Variants in C12orf42 observed in about 807,000 individuals in gnomAD.
C12orf42 encodes the protein uncharacterized protein C12orf42.
In C12orf42, 25 loss-of-function variants were observed where a neutral mutation model predicts 21.6. The ratio of observed to expected loss-of-function variants is 1.16; its 90% CI spans 0.84 to 1.62. C12orf42 has a LOEUF of 1.62. Ranked by LOEUF, C12orf42 falls within the 40% of genes most tolerant of loss-of-function variation. C12orf42 has a pLI of 0.00. For missense variants in C12orf42, 483 were observed against 459.3 expected (o/e 1.05, Z -0.47); for synonymous variants, 174 against 175.0 (o/e 0.99, Z 0.05).
intron 10 of C12orf42, among the ~76,000 whole-genome samples, chr12:103,254,399 G>T (rs568345147): frequency 6.6e-6 from 1 of 152,038 alleles, no homozygotes; most frequent in South Asian, 2.1e-4. Context: ...TTGCATCTTT[G>T]CCAGGTTTTG....
chr12:103,553,288 CT>C, the C12orf42 span, among the ~76,000 whole-genome samples: 1 of 152,190 alleles, frequency 6.6e-6, no homozygotes, highest in Admixed American at 6.5e-5. Context: ...TACCTTTTCT[CT>C]TTCTAACAGC....
the C12orf42 span, among the ~76,000 whole-genome samples, chr12:103,182,482 T>A: frequency 6.6e-6 from 1 of 152,214 alleles, no homozygotes; most frequent in Non-Finnish European, 1.5e-5. Flanking sequence ...GAACAGTGTT[T>A]ACTCAGTTCT....
chr12:103,065,356 C>A, the C12orf42 span, among the ~76,000 whole-genome samples: 3 of 152,218 alleles, frequency 2.0e-5, no homozygotes, highest in Non-Finnish European at 1.5e-5. Context: ...GGTATGCAGC[C>A]ATTGACTTGG....
chr12:103,330,518 T>C (rs529746297), intron 4 of C12orf42, among the ~76,000 whole-genome samples: 1 of 152,278 alleles, frequency 6.6e-6, no homozygotes, highest in South Asian at 2.1e-4. Context: ...GCTACTTGGG[T>C]TCAGAACATA....
At chr12:103,331,301 C>T (rs117938703) in intron 4 of C12orf42, among the ~76,000 whole-genome samples, 2 of 152,256 alleles carry the variant, frequency 1.3e-5, no homozygotes, top group East Asian at 1.9e-4. Flanking sequence ...GTCAATATTG[C>T]CATGATTTCA....
chr12:103,380,667 A>G (rs903679136), intron 3 of C12orf42, among the ~76,000 whole-genome samples: 5 of 152,232 alleles, frequency 3.3e-5, no homozygotes, highest in African/African-American at 1.2e-4. Context: ...GAAAGAGAAA[A>G]ATAGCATTAT....
chr12:103,371,299 T>C (rs2045210554), intron 3 of C12orf42, among the ~76,000 whole-genome samples: 1 of 152,088 alleles, frequency 6.6e-6, no homozygotes, highest in Non-Finnish European at 1.5e-5. Context: ...GAGTAGGAAC[T>C]CTCTCTTTTC....
chr12:103,557,389 A>C, the C12orf42 span: 1 of 152,152 alleles, frequency 6.6e-6, no homozygotes, highest in South Asian at 2.1e-4. Context: ...TTAACTGCTG[A>C]TGTTATTTCC....
the C12orf42 span, among the ~76,000 whole-genome samples, chr12:103,122,747 G>A: frequency 6.6e-6 from 1 of 152,180 alleles, no homozygotes; most frequent in Non-Finnish European, 1.5e-5. Flanking sequence ...TATTAAGAGT[G>A]TCAGAGAGTT....
chr12:103,487,588 C>A (rs555512341), intron 1 of C12orf42, among the ~76,000 whole-genome samples: 1 of 152,294 alleles, frequency 6.6e-6, no homozygotes, highest in South Asian at 2.1e-4. Flanking sequence ...GTGTGGGAGT[C>A]TAAGTCTCTT....
upstream of C12orf42, among the ~76,000 whole-genome samples, chr12:103,500,441 C>G (rs1593046940): frequency 6.6e-6 from 1 of 152,116 alleles, no homozygotes; most frequent in Non-Finnish European, 1.5e-5. Flanking sequence ...CAGTAAAAGC[C>G]CCTCCTGGGT....
the C12orf42 span, among the ~76,000 whole-genome samples, chr12:103,536,588 C>T: frequency 1.3e-5 from 2 of 152,158 alleles, no homozygotes; most frequent in Non-Finnish European, 2.9e-5. Flanking sequence ...ATCCCTCCCC[C>T]AGCCATCACA....
chr12:103,308,573 G>A (rs914599364), intron 4 of C12orf42, among the ~76,000 whole-genome samples: 1 of 152,198 alleles, frequency 6.6e-6, no homozygotes, highest in East Asian at 1.9e-4. Context: ...AGCAGAATGA[G>A]GAAGGATAAG....
chr12:103,425,892 G>A (rs1949769635), intron 2 of C12orf42, among the ~76,000 whole-genome samples: 1 of 151,512 alleles, frequency 6.6e-6, no homozygotes, highest in Admixed American at 6.6e-5. Flanking sequence ...CAGTGGCTTT[G>A]TTTACACTGT....
At chr12:103,359,207 C>T (rs972066810) in intron 4 of C12orf42, among the ~76,000 whole-genome samples, 7 of 151,990 alleles carry the variant, frequency 4.6e-5, no homozygotes, top group Admixed American at 3.9e-4. Flanking sequence ...CTTTTTCTTA[C>T]CTTTTTAAAA....
chr12:103,192,220 T>C, the C12orf42 span, among the ~76,000 whole-genome samples: 1 of 152,016 alleles, frequency 6.6e-6, no homozygotes, highest in African/African-American at 2.4e-5. Context: ...AACTTTAGAT[T>C]TAAGAATACA....
At chr12:103,292,151 G>A (rs2036867121) in intron 4 of C12orf42, among the ~76,000 whole-genome samples, 1 of 152,146 alleles carries the variant, frequency 6.6e-6, no homozygotes, top group African/African-American at 2.4e-5. Context: ...CATGCTAAGT[G>A]AAAGAAGCCA....
In C12orf42 at chr12:103,355,720, C is replaced by T. The variant is rs115625729; in HGVS notation, c.259+13167G>A. ...ACATCTCAGCACCCTAGTTTGAGCA[C>T]CATGACTCTAGAAAAACAGTTTTTG... On this transcript the variant is annotated intron_variant, in intron 4 of 5. Transcript: ENST00000548883. Among the ~76,000 whole-genome samples, 498 of 152,142 alleles carry T rather than the reference C, an allele frequency of 3.3e-3. 3 individuals carry two copies. Among genetic ancestry groups the T allele is most frequent in the African/African-American group, 0.011 (472 of 41,540 alleles).
chr12:103,103,807 T>A, the C12orf42 span, among the ~76,000 whole-genome samples: 4 of 151,666 alleles, frequency 2.6e-5, no homozygotes, highest in African/African-American at 9.7e-5. Flanking sequence ...TAGCTCACTT[T>A]TTTTTTTTTT....
Sources: gnomAD v4.1 joint callset for allele counts (sites outside exome capture counted in the v4.1 genomes callset) on GRCh38, gnomAD v4.1.1 for gene constraint, MANE v1.5 for transcripts, NCBI Gene and HGNC (gene_info 2026-07-23, HGNC 2026-07-21) for gene names.